The following SV2C variants were observed in gnomAD, a reference collection of about 807,000 sequenced individuals.
The protein encoded by SV2C is synaptic vesicle glycoprotein 2C.
SV2C carries 49 observed loss-of-function variants against 79.7 expected under a neutral mutation model. The observed-to-expected ratio is 0.61, with a 90% CI of 0.49 to 0.78. SV2C has a LOEUF of 0.78. SV2C is among the 30% of genes least tolerant of loss of function. The probability of loss-of-function intolerance (pLI) is 0.00; values close to 1 mark genes in which losing one functional copy is unlikely to be tolerated. For missense variants in SV2C, 833 were observed against 912.9 expected (o/e 0.91, Z 1.13); for synonymous variants, 334 against 333.2 (o/e 1.00, Z -0.03).
chr5:76,143,216 G>C (rs1749315875), intron 2 of SV2C, among the ~76,000 whole-genome samples: 1 of 151,860 alleles, frequency 6.6e-6, no homozygotes, highest in South Asian at 2.1e-4. Context: ...TTTTTCTTAA[G>C]GAAATTGGTT....
the SV2C span, among the ~76,000 whole-genome samples, chr5:76,007,817 T>G: frequency 6.6e-6 from 1 of 152,186 alleles, no homozygotes; most frequent in Non-Finnish European, 1.5e-5. Flanking sequence ...TTCCATCTCA[T>G]GTGACTTATG....
the SV2C span, among the ~76,000 whole-genome samples, chr5:75,893,297 T>A: frequency 1.3e-5 from 2 of 152,080 alleles, no homozygotes; most frequent in African/African-American, 2.4e-5. Flanking sequence ...TTGATTTTTT[T>A]AAGATCATTG....
At chr5:76,180,821 C>T (rs1029907727) in intron 2 of SV2C, among the ~76,000 whole-genome samples, 1 of 152,192 alleles carries the variant, frequency 6.6e-6, no homozygotes, top group African/African-American at 2.4e-5. Flanking sequence ...CTTCTCTGCT[C>T]TATCCAGACC....
At chr5:75,921,195 G>A in the SV2C span, 1 of 1,020,096 alleles carries the variant, frequency 9.8e-7, no homozygotes, top group South Asian at 1.5e-5. Flanking sequence ...TGGAACTTGA[G>A]CCAGGGGCCA....
chr5:76,053,613 C>T, the SV2C span, among the ~76,000 whole-genome samples: 225 of 152,174 alleles, frequency 1.5e-3, no homozygotes, highest in African/African-American at 4.9e-3. Context: ...TCAGTAGTTC[C>T]GGTTTGGAGC....
rs997398579 is a variant in SV2C, at chr5:76,266,788, G to C, written c.914-18374G>C. On this transcript the variant is annotated intron_variant, in intron 4 of 12. Transcript: ENST00000502798. ...GTACTTAATGCCACAGAATTATACA[G>C]TAAAAAAAAAAAAGGTTAAAATGGG... Among the ~76,000 whole-genome samples the C allele has an allele frequency of 1.2e-4, 14 of 121,630 alleles. No homozygotes were observed. In the South Asian group the frequency reaches 2.2e-3, roughly 19 times the overall value. 79.8% of individuals were successfully genotyped at this position (121,630 alleles called of 152,430 possible).
intron 1 of SV2C, among the ~76,000 whole-genome samples, chr5:76,113,531 AT>A (rs1748162126): frequency 6.6e-6 from 1 of 152,188 alleles, no homozygotes; most frequent in Admixed American, 6.5e-5. Flanking sequence ...GGATGGATGA[AT>A]TCTGACTTCC....
At chr5:75,940,880 G>A in the SV2C span, among the ~76,000 whole-genome samples, 1 of 152,164 alleles carries the variant, frequency 6.6e-6, no homozygotes, top group Non-Finnish European at 1.5e-5. Flanking sequence ...TATTTAAAGT[G>A]TAATTTTGCG....
chr5:76,162,351 T>C (rs1742920785), intron 2 of SV2C, among the ~76,000 whole-genome samples: 1 of 152,208 alleles, frequency 6.6e-6, no homozygotes, highest in Non-Finnish European at 1.5e-5. Context: ...ACAAATATTG[T>C]AACTTATTTT....
intron 2 of SV2C, among the ~76,000 whole-genome samples, chr5:76,149,551 T>A (rs774981117): frequency 5.9e-5 from 9 of 152,258 alleles, no homozygotes; most frequent in Non-Finnish European, 1.2e-4. Flanking sequence ...TAAATGATAC[T>A]ATGTTTTTAA....
chr5:75,982,136 C>T, the SV2C span, among the ~76,000 whole-genome samples: 9 of 149,438 alleles, frequency 6.0e-5, no homozygotes, highest in East Asian at 2.0e-4. Flanking sequence ...TGCTAGATGA[C>T]GAGTTAGTGG....
At chr5:76,289,441 G>T (rs1429525208) in intron 6 of SV2C, among the ~76,000 whole-genome samples, 1 of 152,152 alleles carries the variant, frequency 6.6e-6, no homozygotes, top group Non-Finnish European at 1.5e-5. Context: ...GGTGGGGAAA[G>T]ATGGCATCTT....
chr5:76,230,658 G>A (rs546217614), intron 4 of SV2C, among the ~76,000 whole-genome samples: 67 of 152,104 alleles, frequency 4.4e-4, no homozygotes, highest in Admixed American at 1.3e-3. Context: ...GCGTGATGGC[G>A]GGCACCTGTA....
the SV2C span, among the ~76,000 whole-genome samples, chr5:75,945,086 T>C: frequency 6.6e-6 from 1 of 152,012 alleles, no homozygotes; most frequent in African/African-American, 2.4e-5. Context: ...AGAAACAGAC[T>C]TAAAGCAGCT....
chr5:75,982,080 T>G, the SV2C span, among the ~76,000 whole-genome samples: 1 of 75,216 alleles, frequency 1.3e-5, no homozygotes, highest in African/African-American at 5.6e-5. Context: ...GGGACTGTTG[T>G]GGGGTGGGGG....
the SV2C span, among the ~76,000 whole-genome samples, chr5:76,053,682 A>G: frequency 6.6e-6 from 1 of 152,026 alleles, no homozygotes; most frequent in Non-Finnish European, 1.5e-5. Context: ...ATTTTAGGCA[A>G]CTCAATTGTG....
At chr5:76,011,824 T>G in the SV2C span, among the ~76,000 whole-genome samples, 8 of 152,190 alleles carry the variant, frequency 5.3e-5, no homozygotes, top group African/African-American at 1.9e-4. Context: ...TGTATTCTCA[T>G]TGTTCAGCTC....
At chr5:75,876,297 C>G in the SV2C span, among the ~76,000 whole-genome samples, 4,313 of 152,126 alleles carry the variant, frequency 0.028, 193 homozygotes, top group African/African-American at 0.095. Context: ...AGGCTATTAT[C>G]CTTAGCAAAC....
upstream of SV2C, among the ~76,000 whole-genome samples, chr5:76,082,840 C>T (rs949473947): frequency 3.9e-5 from 6 of 152,122 alleles, no homozygotes; most frequent in African/African-American, 1.4e-4. Context: ...AAGTAGGCAA[C>T]CTAGCTCTGC....
Sources: allele counts gnomAD v4.1 joint callset (sites outside exome capture counted in the v4.1 genomes callset), GRCh38; gene constraint gnomAD v4.1.1; transcripts MANE v1.5; gene names NCBI Gene and HGNC (gene_info 2026-07-23, HGNC 2026-07-21).